ATP9B: variants seen among roughly 807,000 people sequenced by gnomAD.
ATP9B encodes the protein ATPase phospholipid transporting 9B.
In ATP9B, 110 loss-of-function variants were observed where a neutral mutation model predicts 146.1. That is an observed-to-expected ratio of 0.75 (90% CI 0.65 to 0.88). The LOEUF is 0.88. Ranked by LOEUF, ATP9B falls within the 40% of genes least tolerant of loss-of-function variation. The pLI is 0.00. For synonymous variants in ATP9B, 604 were observed against 569.7 expected, an observed-to-expected ratio of 1.06 and a Z score of -0.86; for missense variants, 1,499 against 1,496.4, an observed-to-expected ratio of 1.00 and a Z score of -0.03.
intron 13 of ATP9B, among the ~76,000 whole-genome samples, chr18:79,287,227 G>A (rs1362756966): frequency 6.6e-6 from 1 of 152,178 alleles, no homozygotes; most frequent in African/African-American, 2.4e-5. Context: ...GGTAGAATTT[G>A]GCTGTGAATC....
intron 11 of ATP9B, among the ~76,000 whole-genome samples, chr18:79,225,238 G>A (rs943647884): frequency 3.3e-5 from 5 of 152,166 alleles, no homozygotes; most frequent in African/African-American, 1.2e-4. Flanking sequence ...TGACATTAGA[G>A]TAGAAACTGT....
At chr18:79,098,752 C>T (rs1368988642) in intron 2 of ATP9B, among the ~76,000 whole-genome samples, 2 of 152,084 alleles carry the variant, frequency 1.3e-5, no homozygotes, top group Non-Finnish European at 2.9e-5. Flanking sequence ...CCAGTAATGT[C>T]CTTTGTAGCC....
At chr18:79,201,835 A>G (rs769202656) in intron 9 of ATP9B, among the ~76,000 whole-genome samples, 1 of 152,164 alleles carries the variant, frequency 6.6e-6, no homozygotes, top group Non-Finnish European at 1.5e-5. Context: ...CTGGGATTAC[A>G]GGCGTGAGTC....
intron 13 of ATP9B, among the ~76,000 whole-genome samples, chr18:79,295,088 A>AC (rs2096537891): frequency 1.0e-5 from 1 of 98,590 alleles, no homozygotes; most frequent in Non-Finnish European, 2.0e-5. Flanking sequence ...CCATGAATGC[A>AC]AGCACACACA....
At chr18:79,369,714 A>G (rs1336911394) in intron 26 of ATP9B, among the ~76,000 whole-genome samples, 50 of 152,204 alleles carry the variant, frequency 3.3e-4, no homozygotes, top group Admixed American at 3.3e-3. Context: ...CCACACGCGC[A>G]TCAGCGTGCT....
chr18:79,318,756 G>A (rs1184901543), intron 15 of ATP9B, among the ~76,000 whole-genome samples: 4 of 152,028 alleles, frequency 2.6e-5, no homozygotes, highest in African/African-American at 9.7e-5. Context: ...GTCTTTTTTT[G>A]TGGTTATTTT....
chr18:79,210,750 C>T (rs1203728945), intron 10 of ATP9B, among the ~76,000 whole-genome samples: 1 of 152,154 alleles, frequency 6.6e-6, no homozygotes. Context: ...AGGGCATCTG[C>T]GAGTTGGAGT....
At chr18:79,087,739 T>C (rs1286871097) in intron 1 of ATP9B, 1 of 152,228 alleles carries the variant, frequency 6.6e-6, no homozygotes, top group Non-Finnish European at 1.5e-5. Flanking sequence ...GTAACTTATG[T>C]GTAACTTATG....
At chr18:79,375,747 G>A in intron 29 of ATP9B, 2 of 985,366 alleles carry the variant, frequency 2.0e-6, no homozygotes, top group Non-Finnish European at 2.4e-6. Flanking sequence ...AACACTTCCA[G>A]GGTCTTCAGA....
intron 11 of ATP9B, among the ~76,000 whole-genome samples, chr18:79,238,501 T>A (rs1175028325): frequency 6.6e-6 from 1 of 152,190 alleles, no homozygotes; most frequent in Non-Finnish European, 1.5e-5. Context: ...AGGTTGCTTC[T>A]CCATTTCTGT....
chr18:79,184,328 T>C (rs1054861909), intron 8 of ATP9B, among the ~76,000 whole-genome samples: 17 of 152,246 alleles, frequency 1.1e-4, no homozygotes, highest in South Asian at 6.2e-4. Flanking sequence ...TAAAGAATTG[T>C]TTGAGAGTTA....
intron 1 of ATP9B, among the ~76,000 whole-genome samples, chr18:79,074,274 C>T (rs191324673): frequency 6.6e-6 from 1 of 152,262 alleles, no homozygotes; most frequent in Non-Finnish European, 1.5e-5. Flanking sequence ...GATGAAGAGG[C>T]TTCTTTGGCT....
rs10531617 is a variant in ATP9B, at chr18:79,256,257, CTATATATATATATA to C, written c.1268+2733_1268+2746del. ...ATGCCATTTTGTGAATTCTAGCTAG[CTATATATATATATA>C]TATATATATATATATACATACATAG... is the stretch of plus-strand genomic sequence containing the variant. On this transcript the variant is annotated intron_variant, in intron 12 of 29. Transcript: ENST00000426216. Among the ~76,000 whole-genome samples, 190 of 100,372 alleles carry C rather than the reference CTATATATATATATA, an allele frequency of 1.9e-3. 8 individuals carry two copies. Among genetic ancestry groups the C allele is most frequent in the African/African-American group, 8.3e-3 (180 of 21,618 alleles). The allele number at this position is 100,372 out of a possible 152,430, so 65.8% of individuals were successfully genotyped here.
At chr18:79,238,163 C>A (rs1282110922) in intron 11 of ATP9B, among the ~76,000 whole-genome samples, 1 of 151,672 alleles carries the variant, frequency 6.6e-6, no homozygotes, top group Non-Finnish European at 1.5e-5. Context: ...TTCATATACT[C>A]TGCATTTTAA....
intron 26 of ATP9B, chr18:79,363,747 G>C (rs2097006808): frequency 6.6e-6 from 1 of 152,268 alleles, no homozygotes; most frequent in South Asian, 2.1e-4. Context: ...CATGGTTTGA[G>C]AGACGTAAAC....
At chr18:79,127,896 C>T (rs1401090234) in intron 5 of ATP9B, among the ~76,000 whole-genome samples, 1 of 152,062 alleles carries the variant, frequency 6.6e-6, no homozygotes, top group African/African-American at 2.4e-5. Context: ...TTGATTGCAG[C>T]CACTGCTTTT....
intron 5 of ATP9B, among the ~76,000 whole-genome samples, chr18:79,136,719 T>C (rs1234857437): frequency 1.3e-5 from 2 of 152,210 alleles, no homozygotes; most frequent in Admixed American, 6.5e-5. Flanking sequence ...AGGTCTATTC[T>C]ATTGTGTGTT....
chr18:79,113,162 G>A, intron 3 of ATP9B, 79 bp from the exon 4 acceptor site: 1 of 699,348 alleles, frequency 1.4e-6, no homozygotes, highest in South Asian at 1.8e-5. Context: ...TATATGTTGT[G>A]CAGATTTTAA....
chr18:79,277,180 A>AT lies in ATP9B; in HGVS notation c.1397dup (p.Leu466PhefsTer12). The stretch of plus-strand genomic sequence containing the variant: ...AGGAACTTGGGCGCCTGGTGTATTT[A>AT]TTGACAGACAAAACAGGTACTGTTC... On this transcript the variant is annotated frameshift_variant, in exon 13 of 30. Transcript: ENST00000426216. LOFTEE classifies it high-confidence loss of function. 6.2e-7 allele frequency: 1 copy of AT among 1,614,234 alleles called. No homozygotes were observed. Among genetic ancestry groups the AT allele is most frequent in the Non-Finnish European group, 8.5e-7 (1 of 1,180,036 alleles).
Sources: allele counts gnomAD v4.1 joint callset (sites outside exome capture counted in the v4.1 genomes callset), GRCh38; gene constraint gnomAD v4.1.1; transcripts MANE v1.5; gene names NCBI Gene and HGNC (gene_info 2026-07-23, HGNC 2026-07-21).